The following FGF2 variants were observed in gnomAD, a reference collection of about 807,000 sequenced individuals.
FGF2 encodes the protein fibroblast growth factor 2.
Under a neutral mutation model 15.9 loss-of-function variants are expected in FGF2, and 13 were observed. That is an observed-to-expected ratio of 0.82 (90% CI 0.53 to 1.30). FGF2 has a LOEUF of 1.30. Ranked by LOEUF, FGF2 falls within the 50% of genes most tolerant of loss-of-function variation. The pLI is 0.00. For missense variants in FGF2, 163 were observed against 196.9 expected (o/e 0.83, Z 1.03); for synonymous variants, 90 against 78.4 (o/e 1.15, Z -0.78).
chr4:122,844,276 A>G (rs1201911960), intron 1 of FGF2, among the ~76,000 whole-genome samples: 2 of 152,198 alleles, frequency 1.3e-5, no homozygotes, highest in Non-Finnish European at 2.9e-5. Flanking sequence ...TTTAAGTTTT[A>G]TCATCAGATT....
chr4:122,873,149 G>T (rs969784975), intron 1 of FGF2, among the ~76,000 whole-genome samples: 1 of 152,172 alleles, frequency 6.6e-6, no homozygotes, highest in African/African-American at 2.4e-5. Flanking sequence ...AAATGTTTGG[G>T]TTGGTGGGGA....
At chr4:122,840,106 T>G (rs1406520777) in intron 1 of FGF2, among the ~76,000 whole-genome samples, 1 of 152,090 alleles carries the variant, frequency 6.6e-6, no homozygotes, top group Non-Finnish European at 1.5e-5. Flanking sequence ...CGTAATCACA[T>G]CTTTAGAGGC....
chr4:122,832,173 C>T (rs779635071), intron 1 of FGF2, among the ~76,000 whole-genome samples: 6 of 152,162 alleles, frequency 3.9e-5, no homozygotes, highest in African/African-American at 7.2e-5. Flanking sequence ...CCGTAGCACA[C>T]GTCTGTAAGA....
At chr4:122,840,531 G>C (rs28439566) in intron 1 of FGF2, 6,849 of 153,458 alleles carry the variant, frequency 0.045, 200 homozygotes, top group Non-Finnish European at 0.054. Flanking sequence ...ACACCTCCGT[G>C]CTTCTCAAGT....
intron 1 of FGF2, among the ~76,000 whole-genome samples, chr4:122,859,653 TACACACAC>T (rs3034609): frequency 6.7e-6 from 1 of 149,668 alleles, no homozygotes; most frequent in African/African-American, 2.5e-5. Context: ...CATATGTATA[TACACACAC>T]ACACACACAC....
At chr4:122,872,254 C>G (rs942428878) in intron 1 of FGF2, among the ~76,000 whole-genome samples, 1 of 151,102 alleles carries the variant, frequency 6.6e-6, no homozygotes, top group Non-Finnish European at 1.5e-5. Flanking sequence ...CCAAATCAAC[C>G]AAGTAGAAGA....
chr4:122,889,778 C>T (rs1267870114), intron 2 of FGF2, among the ~76,000 whole-genome samples: 1 of 151,956 alleles, frequency 6.6e-6, no homozygotes. Context: ...ATCATGTATC[C>T]ACTTAGTCCC....
chr4:122,893,285 CAA>C lies in FGF2; in HGVS notation c.*891_*892del. The C allele has an allele frequency of 1.4e-6, 2 of 1,466,458 alleles. No individual in the cohort carries two copies. Among genetic ancestry groups the C allele is most frequent in the Non-Finnish European group, 1.8e-6 (2 of 1,094,988 alleles). The allele number at this position is 1,466,458 out of a possible 1,614,324, so 90.8% of individuals were successfully genotyped here. A position where few individuals can be genotyped will look rare whatever the true frequency, so the allele number is the denominator to read the frequency against. On this transcript the variant is annotated 3_prime_UTR_variant, in exon 3 of 3. Transcript: ENST00000644866. ...ATTACACTTTTAGAAACTGTATCAT[CAA>C]AGATTTTCAGTTAAAGTAGCATTAT...
intron 1 of FGF2, among the ~76,000 whole-genome samples, chr4:122,842,453 A>T (rs1726009499): frequency 6.6e-6 from 1 of 152,218 alleles, no homozygotes; most frequent in Non-Finnish European, 1.5e-5. Context: ...CTGGGAGAGA[A>T]CCAATTTGAA....
intron 2 of FGF2, among the ~76,000 whole-genome samples, chr4:122,877,237 G>GT (rs966567071): frequency 3.9e-5 from 6 of 151,960 alleles, no homozygotes; most frequent in African/African-American, 1.5e-4. Context: ...AGCCTCCCGA[G>GT]TAGCTGGGAT....
chr4:122,877,467 T>C (rs897441540), intron 2 of FGF2, among the ~76,000 whole-genome samples: 6 of 152,206 alleles, frequency 3.9e-5, no homozygotes, highest in Non-Finnish European at 7.3e-5. Flanking sequence ...GGGGTCCTAG[T>C]TCCTGGCTAG....
rs935299140 is a variant in FGF2 at position 122,897,627 on chromosome 4, T to C, written c.*5231T>C. The stretch of plus-strand genomic sequence containing the variant: ...TAAAAATATAAAAGATACACACCAA[T>C]ATCTTCTTCAGGCTCTGACAGGCCT... On this transcript the variant is annotated 3_prime_UTR_variant, in exon 3 of 3. Coordinates refer to ENST00000644866, the MANE Select transcript of FGF2 (RefSeq NM_001361665.2). 7.5e-6 allele frequency: 12 copies of C among 1,598,710 alleles called. No homozygotes were observed. The African/African-American group carries it at 1.5e-4, about 20-fold the overall frequency.
rs560432202 is a variant in FGF2 at position 122,857,993 on chromosome 4, T to C, written c.179-18328T>C. The stretch of plus-strand genomic sequence containing the variant: ...CTCGTAAAGCCATGTCCTGATTGGG[T>C]AGTAATGAAGGAATGCACAGATTTC... On this transcript the variant is annotated intron_variant, in intron 1 of 2. Coordinates refer to ENST00000644866, the MANE Select transcript of FGF2 (RefSeq NM_001361665.2). Among the ~76,000 whole-genome samples, 3 of 152,330 alleles carry C rather than the reference T, an allele frequency of 2.0e-5. No homozygotes were observed. The South Asian group carries it at 6.2e-4, about 32-fold the overall frequency.
Position 122,833,481 on chromosome 4 carries a change from A to C in FGF2, c.178+6129A>C, listed in dbSNP as rs577240841. Among the ~76,000 whole-genome samples the C allele has an allele frequency of 1.7e-3, 254 of 152,306 alleles. 2 individuals are homozygous for C. The highest frequency in any genetic ancestry group is 5.7e-3 in the African/African-American group (236 of 41,568). Reference sequence around the variant, plus strand: ...AACTCAAATTAGCCAAGAAAAAAGTATTTTTTAAAAGAAATTTGTACAGAG... The same window carrying C: ...AACTCAAATTAGCCAAGAAAAAAGTCTTTTTTAAAAGAAATTTGTACAGAG... On this transcript the variant is annotated intron_variant, in intron 1 of 2. Transcript: ENST00000644866.
rs1727340622 is a variant in FGF2, at chr4:122,896,052, CA to C, written c.*3659del. The C allele has an allele frequency of 6.6e-6, 1 of 152,578 alleles. No homozygotes were observed. 9.5% of individuals were successfully genotyped at this position (152,578 alleles called of 1,614,324 possible). On this transcript the variant is annotated 3_prime_UTR_variant, in exon 3 of 3. Coordinates refer to ENST00000644866, the MANE Select transcript of FGF2 (RefSeq NM_001361665.2). The stretch of plus-strand genomic sequence containing the variant: ...TTTCAGGGTTTTATGAATTTTCAGG[CA>C]AAGCTTTAATTTACACTAAGCTTAG...
chr4:122,859,398 AATTT>A lies in FGF2; in HGVS notation c.179-16915_179-16912del, dbSNP rs147487042. ...CCTTGGGAAATAAAATAAAACTAAA[AATTT>A]ATTTATTCTGTAGGTAAAGAACTGG... On this transcript the variant is annotated intron_variant, in intron 1 of 2. Coordinates refer to ENST00000644866, the MANE Select transcript of FGF2 (RefSeq NM_001361665.2). 5.6e-4 allele frequency among the ~76,000 whole-genome samples: 85 copies of A among 152,302 alleles called. No individual in the cohort carries two copies. The East Asian group carries it at 0.013, about 23-fold the overall frequency.
At position 122,893,733 on chromosome 4, in the gene FGF2, A is replaced by C. The variant is rs1395612675; in HGVS notation, c.*1337A>C. ...ATTTTATAAGGTTGATTTTTCAATT[A>C]AATGCAAATTTGTGTGGCAGGATTT... On this transcript the variant is annotated 3_prime_UTR_variant, in exon 3 of 3. Coordinates refer to ENST00000644866, the MANE Select transcript of FGF2 (RefSeq NM_001361665.2). 1.3e-5 allele frequency: 2 copies of C among 152,300 alleles called. No individual in the cohort carries two copies. Among genetic ancestry groups the C allele is most frequent in the Non-Finnish European group, 2.9e-5 (2 of 68,088 alleles). The allele number at this position is 152,300 out of a possible 1,614,324, so 9.4% of individuals were successfully genotyped here.
At chr4:122,867,646 C>A (rs192164806) in intron 1 of FGF2, among the ~76,000 whole-genome samples, 1 of 152,194 alleles carries the variant, frequency 6.6e-6, no homozygotes, top group East Asian at 1.9e-4. Context: ...TGCTCAGCCA[C>A]AATTAATGTT....
chr4:122,826,854 C>G lies in FGF2; in HGVS notation c.-321C>G. The G allele has an allele frequency of 2.0e-6, 3 of 1,500,406 alleles. No individual in the cohort carries two copies. The highest frequency in any genetic ancestry group is 1.4e-5 in the African/African-American group (1 of 69,966). The allele number at this position is 1,500,406 out of a possible 1,614,324, so 92.9% of individuals were successfully genotyped here. ...GTGCCAGATTAGCGGACGCGGTGCCCGCGGTTGCAACGGGATCCCGGGCGC... is the reference window on the plus strand; with the variant it reads ...GTGCCAGATTAGCGGACGCGGTGCCGGCGGTTGCAACGGGATCCCGGGCGC... On this transcript the variant is annotated 5_prime_UTR_variant, in exon 1 of 3. Transcript: ENST00000644866.
Sources: gnomAD v4.1 joint callset for allele counts (sites outside exome capture counted in the v4.1 genomes callset) on GRCh38, gnomAD v4.1.1 for gene constraint, MANE v1.5 for transcripts, NCBI Gene and HGNC (gene_info 2026-07-23, HGNC 2026-07-21) for gene names.